TAF1B: variants seen among roughly 807,000 people sequenced by gnomAD.
TAF1B encodes TATA-box binding protein associated factor, RNA polymerase I subunit B.
Under a neutral mutation model 83.9 loss-of-function variants are expected in TAF1B, and 61 were observed. That is an observed-to-expected ratio of 0.73 (90% CI 0.59 to 0.90). The LOEUF (loss-of-function observed/expected upper bound fraction) is 0.90. Ranked by LOEUF, TAF1B falls within the 40% of genes least tolerant of loss-of-function variation. TAF1B has a pLI of 0.00. For missense variants in TAF1B, 625 were observed against 677.0 expected (o/e 0.92, Z 0.85); for synonymous variants, 221 against 224.6 (o/e 0.98, Z 0.14).
chr2:9,924,220 C>T (rs1665970069), intron 14 of TAF1B, among the ~76,000 whole-genome samples: 1 of 152,168 alleles, frequency 6.6e-6, no homozygotes, highest in South Asian at 2.1e-4. Context: ...AAGGCTTCAG[C>T]TGGGCAGTAA....
chr2:9,933,738 T>C (rs750375937), intron 14 of TAF1B, 45 bp from the exon 15 acceptor site: 15 of 1,520,632 alleles, frequency 9.9e-6, no homozygotes, highest in African/African-American at 2.8e-5. Flanking sequence ...GTGCATTTCT[T>C]GGTTACCATC....
intron 14 of TAF1B, among the ~76,000 whole-genome samples, chr2:9,930,460 A>G (rs1347581451): frequency 6.6e-6 from 1 of 150,956 alleles, no homozygotes; most frequent in Non-Finnish European, 1.5e-5. Flanking sequence ...TCAGTTTCCA[A>G]GTAGTTGTGC....
chr2:9,890,106 C>G (rs922754808), intron 8 of TAF1B, among the ~76,000 whole-genome samples: 4 of 152,114 alleles, frequency 2.6e-5, no homozygotes, highest in Non-Finnish European at 5.9e-5. Context: ...AACTCCAGTC[C>G]CTGTCTCCTC....
intron 14 of TAF1B, among the ~76,000 whole-genome samples, chr2:9,929,461 G>C (rs961006119): frequency 6.6e-6 from 1 of 152,084 alleles, no homozygotes; most frequent in Non-Finnish European, 1.5e-5. Flanking sequence ...CCTGGCCTTT[G>C]GTTCTGTTTA....
intron 14 of TAF1B, among the ~76,000 whole-genome samples, chr2:9,920,906 G>A (rs1404085778): frequency 2.0e-5 from 3 of 152,126 alleles, no homozygotes; most frequent in East Asian, 3.9e-4. Flanking sequence ...AGGACATAGT[G>A]GAAAACTTGT....
intron 8 of TAF1B, among the ~76,000 whole-genome samples, chr2:9,884,047 G>A (rs1400652395): frequency 1.3e-5 from 2 of 152,244 alleles, no homozygotes; most frequent in Non-Finnish European, 2.9e-5. Flanking sequence ...GGCAAGTCAG[G>A]CATGGAATGG....
chr2:9,862,287 A>G (rs1046823529), intron 5 of TAF1B, among the ~76,000 whole-genome samples: 1 of 152,234 alleles, frequency 6.6e-6, no homozygotes, highest in African/African-American at 2.4e-5. Context: ...CACAAGAACT[A>G]CGTGAGGAAT....
chr2:9,907,669 G>T (rs1665387598), intron 9 of TAF1B, among the ~76,000 whole-genome samples: 1 of 152,044 alleles, frequency 6.6e-6, no homozygotes, highest in Non-Finnish European at 1.5e-5. Context: ...CGAGCCTGCT[G>T]GATAGAGTTT....
intron 8 of TAF1B, among the ~76,000 whole-genome samples, chr2:9,890,085 C>T (rs1172449006): frequency 6.6e-6 from 1 of 152,188 alleles, no homozygotes; most frequent in Non-Finnish European, 1.5e-5. Flanking sequence ...TTAGCCACCT[C>T]AGCTTCCAGA....
intron 11 of TAF1B, 55 bp from the exon 12 acceptor site, chr2:9,913,104 A>G: frequency 7.1e-7 from 1 of 1,402,492 alleles, no homozygotes; most frequent in East Asian, 2.3e-5. Flanking sequence ...TGAACAATGT[A>G]TATTATTATA....
chr2:9,916,553 A>G (rs1665686545), intron 12 of TAF1B, among the ~76,000 whole-genome samples: 1 of 152,208 alleles, frequency 6.6e-6, no homozygotes, highest in African/African-American at 2.4e-5. Context: ...ATTCACAAGG[A>G]ATGTTTAACA....
chr2:9,860,239 C>T (rs1663707451), intron 5 of TAF1B, among the ~76,000 whole-genome samples: 2 of 152,046 alleles, frequency 1.3e-5, no homozygotes, highest in African/African-American at 2.4e-5. Context: ...TATCAGCATC[C>T]AAGAGGAAAT....
intron 12 of TAF1B, among the ~76,000 whole-genome samples, chr2:9,916,292 C>T (rs966722085): frequency 6.6e-6 from 1 of 152,136 alleles, no homozygotes; most frequent in African/African-American, 2.4e-5. Flanking sequence ...AACTGGAAAA[C>T]ATGGTTTGTG....
At chr2:9,919,006 C>T (rs1665785263) in intron 12 of TAF1B, 35 bp from the exon 13 acceptor site, 2 of 1,557,474 alleles carry the variant, frequency 1.3e-6, no homozygotes, top group East Asian at 4.5e-5. Context: ...CGTTTCATCT[C>T]CGTCCTGCTC....
chr2:9,874,127 G>T (rs759086910), intron 6 of TAF1B, among the ~76,000 whole-genome samples: 1 of 152,032 alleles, frequency 6.6e-6, no homozygotes, highest in Non-Finnish European at 1.5e-5. Context: ...TGGACTCATC[G>T]TTCCACATGG....
At chr2:9,869,678 C>G (rs2125147357) in intron 6 of TAF1B, among the ~76,000 whole-genome samples, 1 of 151,300 alleles carries the variant, frequency 6.6e-6, no homozygotes. Flanking sequence ...GAGTTTGAGA[C>G]CAGCCTGGCC....
intron 12 of TAF1B, among the ~76,000 whole-genome samples, chr2:9,918,071 CAA>C (rs777139466): frequency 4.5e-5 from 5 of 111,632 alleles, no homozygotes; most frequent in Admixed American, 9.5e-5. Context: ...GACTCCGTCT[CAA>C]AAAAAAAAAA....
chr2:9,892,768 G>T (rs962503128), intron 8 of TAF1B, among the ~76,000 whole-genome samples: 6 of 151,916 alleles, frequency 3.9e-5, no homozygotes, highest in South Asian at 2.1e-4. Context: ...GATTTTTTTT[G>T]GATATTATCC....
At chr2:9,873,474 AC>A (rs1664230221) in intron 6 of TAF1B, among the ~76,000 whole-genome samples, 1 of 152,144 alleles carries the variant, frequency 6.6e-6, no homozygotes, top group South Asian at 2.1e-4. Context: ...ATATGCTGAA[AC>A]TAAAATTCCT....
Sources: gnomAD v4.1 joint callset for allele counts (sites outside exome capture counted in the v4.1 genomes callset) on GRCh38, gnomAD v4.1.1 for gene constraint, MANE v1.5 for transcripts, NCBI Gene and HGNC (gene_info 2026-07-23, HGNC 2026-07-21) for gene names.